The following PLXNC1 variants were observed in gnomAD, a reference collection of about 807,000 sequenced individuals.
PLXNC1 encodes plexin-C1.
Under a neutral mutation model 178.2 loss-of-function variants are expected in PLXNC1, and 75 were observed. The ratio of observed to expected loss-of-function variants is 0.42; its 90% confidence interval spans 0.35 to 0.51. The LOEUF (loss-of-function observed/expected upper bound fraction) is 0.51. Ranked by LOEUF, PLXNC1 falls within the 20% of genes least tolerant of loss-of-function variation. The pLI is 0.02. For missense variants in PLXNC1, 1,503 were observed against 1,984.4 expected, an observed-to-expected ratio of 0.76 and a Z score of 4.61; for synonymous variants, 790 against 779.9, an observed-to-expected ratio of 1.01 and a Z score of -0.22.
chr12:94,240,418 CA>C (rs1316839026), intron 10 of PLXNC1, 66 bp from the exon 11 acceptor site: 1 of 1,207,318 alleles, frequency 8.3e-7, no homozygotes, highest in African/African-American at 1.5e-5. Context: ...CATTTGCTGT[CA>C]CCTTGGGTAA....
At chr12:94,289,295 G>A (rs1967033201) in intron 23 of PLXNC1, among the ~76,000 whole-genome samples, 1 of 152,188 alleles carries the variant, frequency 6.6e-6, no homozygotes. Flanking sequence ...AAAGTCTACA[G>A]TCATCTCTGC....
chr12:94,178,104 A>G (rs1171370284), intron 2 of PLXNC1, among the ~76,000 whole-genome samples: 1 of 152,086 alleles, frequency 6.6e-6, no homozygotes, highest in African/African-American at 2.4e-5. Context: ...CCTCAAACCA[A>G]ATTTGGTTGT....
At chr12:94,257,139 G>A (rs2136077110) in intron 17 of PLXNC1, among the ~76,000 whole-genome samples, 1 of 152,328 alleles carries the variant, frequency 6.6e-6, no homozygotes, top group East Asian at 1.9e-4. Context: ...CCACTTAAAT[G>A]CATTCCAGGC....
At chr12:94,283,737 C>T (rs1033141355) in intron 23 of PLXNC1, among the ~76,000 whole-genome samples, 1 of 152,062 alleles carries the variant, frequency 6.6e-6, no homozygotes, top group African/African-American at 2.4e-5. Flanking sequence ...GTGGGGGCCA[C>T]AAGATCAGAT....
intron 21 of PLXNC1, among the ~76,000 whole-genome samples, chr12:94,271,388 CT>C (rs1965558809): frequency 6.6e-6 from 1 of 152,226 alleles, no homozygotes; most frequent in South Asian, 2.1e-4. Flanking sequence ...TTCCCCTGCC[CT>C]TGATTCATCC....
Position 94,177,527 on chromosome 12 carries a change from G to A in PLXNC1, c.1204-3919G>A, listed in dbSNP as rs540138722. Among the ~76,000 whole-genome samples, 8 of 89,218 alleles carry A rather than the reference G, an allele frequency of 9.0e-5. No homozygotes were observed. In the South Asian group the frequency reaches 2.4e-3, roughly 26 times the overall value. The allele number at this position is 89,218 out of a possible 152,430, so 58.5% of individuals were successfully genotyped here. On this transcript the variant is annotated intron_variant, in intron 2 of 30. Coordinates refer to ENST00000258526, the MANE Select transcript of PLXNC1 (RefSeq NM_005761.3). ...ACAAAGAAAGAAAGAGAGAGAGAGG[G>A]AGAAAGAAAGAAAGAGAGAGAAAGA...
intron 21 of PLXNC1, among the ~76,000 whole-genome samples, chr12:94,267,039 CTT>C (rs55780817): frequency 6.6e-6 from 1 of 152,232 alleles, no homozygotes; most frequent in Non-Finnish European, 1.5e-5. Context: ...AAGAGACAAA[CTT>C]TGCACAGGGC....
At chr12:94,240,340 C>T (rs1964354431) in intron 10 of PLXNC1, 145 bp from the exon 11 acceptor site, 2 of 602,722 alleles carry the variant, frequency 3.3e-6, no homozygotes, top group Admixed American at 3.1e-5. Flanking sequence ...GTCACTGGCC[C>T]CTCATGAGTC....
rs759412270 is a variant in PLXNC1 at position 94,240,635 on chromosome 12, C to T, written c.2271C>T (p.Ser757=). Residue 757 remains serine (S), a synonymous_variant, in exon 11 of 31, where the codon TCC becomes TCT. Coordinates refer to ENST00000258526, the MANE Select transcript of PLXNC1 (RefSeq NM_005761.3). ...CCTACATTGCTCTGCCACATTGTTC[C>T]CTTATATTTCCTGCTACCACCTGGA... ...SLSYIALPHC[S]LIFPATTWIS... is the part of the protein sequence containing the mutation. The T allele has an allele frequency of 6.2e-7, 1 of 1,613,090 alleles. No homozygotes were observed. Among genetic ancestry groups the T allele is most frequent in the South Asian group, 1.1e-5 (1 of 90,920 alleles).
rs1964510022 is a variant in PLXNC1 at position 94,245,655 on chromosome 12, G to A, written c.2388+1630G>A. 1.3e-5 allele frequency among the ~76,000 whole-genome samples: 2 copies of A among 152,166 alleles called. 1 individual carries two copies. Among genetic ancestry groups the A allele is most frequent in the East Asian group, 3.8e-4 (2 of 5,196 alleles). ...CATTAAAGAGAAATTAAACATGCAT[G>A]GGATTAAGTACGCCTGCAGTATGGA... is the stretch of plus-strand genomic sequence containing the variant. On this transcript the variant is annotated intron_variant, in intron 12 of 30. Coordinates refer to ENST00000258526, the MANE Select transcript of PLXNC1 (RefSeq NM_005761.3).
At chr12:94,190,647 C>G (rs1962687439) in intron 4 of PLXNC1, among the ~76,000 whole-genome samples, 1 of 152,194 alleles carries the variant, frequency 6.6e-6, no homozygotes, top group Admixed American at 6.5e-5. Flanking sequence ...AGCTTAATAC[C>G]CTCCCCTGGC....
chr12:94,243,891 C>T, intron 11 of PLXNC1, 47 bp from the exon 12 acceptor site: 1 of 884,426 alleles, frequency 1.1e-6, no homozygotes, highest in South Asian at 1.8e-5. Flanking sequence ...TGCAAAATGC[C>T]TGTGTGTTAG....
At chr12:94,178,046 A>G (rs572108772) in intron 2 of PLXNC1, among the ~76,000 whole-genome samples, 1 of 152,216 alleles carries the variant, frequency 6.6e-6, no homozygotes, top group Non-Finnish European at 1.5e-5. Flanking sequence ...CAATTGATTC[A>G]AAAAGGTATT....
chr12:94,257,774 G>A lies in PLXNC1; in HGVS notation c.3088-1563G>A, dbSNP rs553673247. On this transcript the variant is annotated intron_variant, in intron 17 of 30. Coordinates refer to ENST00000258526, the MANE Select transcript of PLXNC1 (RefSeq NM_005761.3). The stretch of plus-strand genomic sequence containing the variant: ...ACAAAAAAATTAGCCAGGCATGGTG[G>A]CGGGCGCCTGTAGTCCCAGCTACTC... Among the ~76,000 whole-genome samples, 35 of 152,248 alleles carry A rather than the reference G, an allele frequency of 2.3e-4. 1 individual carries two copies. In the South Asian group the frequency reaches 7.0e-3, roughly 31 times the overall value.
At chr12:94,255,613 A>G (rs1485265631) in intron 17 of PLXNC1, among the ~76,000 whole-genome samples, 1 of 152,188 alleles carries the variant, frequency 6.6e-6, no homozygotes, top group Middle Eastern at 3.2e-3. Flanking sequence ...GAAGTGAGCT[A>G]GTTTATTTAA....
At chr12:94,175,520 G>A (rs56355410) in intron 2 of PLXNC1, among the ~76,000 whole-genome samples, 2,126 of 152,266 alleles carry the variant, frequency 0.014, 24 homozygotes, top group Middle Eastern at 0.034. Context: ...AATTTCAGCA[G>A]TGTAGTTGGG....
At chr12:94,185,846 G>C (rs1962488951) in intron 3 of PLXNC1, 1 of 155,722 alleles carries the variant, frequency 6.4e-6, no homozygotes, top group Non-Finnish European at 1.4e-5. Context: ...GGCCACATAT[G>C]GACTGTCTCT....
At chr12:94,223,168 C>T (rs894151269) in intron 6 of PLXNC1, among the ~76,000 whole-genome samples, 18 of 152,204 alleles carry the variant, frequency 1.2e-4, no homozygotes, top group Admixed American at 5.9e-4. Context: ...AATCCCAGCA[C>T]TTTGGGAGGC....
At chr12:94,293,703 T>C (rs528016717) in intron 23 of PLXNC1, among the ~76,000 whole-genome samples, 4 of 152,220 alleles carry the variant, frequency 2.6e-5, no homozygotes, top group Admixed American at 2.6e-4. Flanking sequence ...ACTGCAGCCT[T>C]GGATGTCTGG....
Sources: allele counts gnomAD v4.1 joint callset (sites outside exome capture counted in the v4.1 genomes callset), GRCh38; gene constraint gnomAD v4.1.1; transcripts MANE v1.5; gene names NCBI Gene and HGNC (gene_info 2026-07-23, HGNC 2026-07-21).